The following SLC24A2 variants were observed in gnomAD, a reference collection of about 807,000 sequenced individuals.
The protein encoded by SLC24A2 is solute carrier family 24 member 2.
SLC24A2 carries 36 observed loss-of-function variants against 62.0 expected under a neutral mutation model. That is an observed-to-expected ratio of 0.58 (90% CI 0.44 to 0.77). The LOEUF is 0.77. Ranked by LOEUF, SLC24A2 falls within the 30% of genes least tolerant of loss-of-function variation. SLC24A2 has a pLI of 0.00. For synonymous variants in SLC24A2, 358 were observed against 294.0 expected (o/e 1.22, Z -2.23); for missense variants, 846 against 817.9 (o/e 1.03, Z -0.42).
At chr9:20,093,721 A>T in the SLC24A2 span, among the ~76,000 whole-genome samples, 1 of 152,208 alleles carries the variant, frequency 6.6e-6, no homozygotes, top group African/African-American at 2.4e-5. Flanking sequence ...GGTACAAAAA[A>T]AGTAGTTAGA....
intron 4 of SLC24A2, among the ~76,000 whole-genome samples, chr9:19,600,619 G>T (rs1836816978): frequency 6.6e-6 from 1 of 152,130 alleles, no homozygotes; most frequent in Non-Finnish European, 1.5e-5. Flanking sequence ...AAATGCCCAA[G>T]CAAGTCCCCA....
chr9:20,175,220 T>A, the SLC24A2 span, among the ~76,000 whole-genome samples: 1 of 151,776 alleles, frequency 6.6e-6, no homozygotes, highest in African/African-American at 2.4e-5. Flanking sequence ...ACAATGGATT[T>A]TGGGGACTCA....
At chr9:20,232,545 G>C in the SLC24A2 span, among the ~76,000 whole-genome samples, 1 of 152,182 alleles carries the variant, frequency 6.6e-6, no homozygotes, top group African/African-American at 2.4e-5. Context: ...AGTATTCTCT[G>C]ATGGTAGTTT....
At chr9:20,220,834 C>G in the SLC24A2 span, among the ~76,000 whole-genome samples, 1 of 152,152 alleles carries the variant, frequency 6.6e-6, no homozygotes, top group African/African-American at 2.4e-5. Context: ...CCCCAACCCT[C>G]ACCTACCTAA....
the SLC24A2 span, among the ~76,000 whole-genome samples, chr9:19,955,218 T>TG: frequency 6.6e-6 from 1 of 152,154 alleles, no homozygotes; most frequent in African/African-American, 2.4e-5. Context: ...TTATAAGTAA[T>TG]GGGGTCTTAG....
At chr9:20,115,309 C>G in the SLC24A2 span, among the ~76,000 whole-genome samples, 1 of 152,042 alleles carries the variant, frequency 6.6e-6, no homozygotes, top group South Asian at 2.1e-4. Context: ...TGAATCTTCC[C>G]TGGTTAATGG....
At chr9:20,113,259 C>T in the SLC24A2 span, among the ~76,000 whole-genome samples, 6 of 152,062 alleles carry the variant, frequency 3.9e-5, no homozygotes, top group East Asian at 3.9e-4. Context: ...ACTCTATGCC[C>T]GCACTCCCTG....
chr9:19,848,062 T>C, the SLC24A2 span, among the ~76,000 whole-genome samples: 3 of 152,236 alleles, frequency 2.0e-5, no homozygotes, highest in African/African-American at 7.2e-5. Flanking sequence ...TCTTGTATGA[T>C]ATCAGACTGT....
At chr9:19,598,764 A>G (rs1836770082) in intron 4 of SLC24A2, among the ~76,000 whole-genome samples, 1 of 152,174 alleles carries the variant, frequency 6.6e-6, no homozygotes, top group Non-Finnish European at 1.5e-5. Context: ...TAAATGACCT[A>G]AATACCTTCA....
chr9:19,690,827 A>C (rs1016373423), intron 2 of SLC24A2, among the ~76,000 whole-genome samples: 3 of 152,114 alleles, frequency 2.0e-5, no homozygotes, highest in Non-Finnish European at 4.4e-5. Context: ...ATGAATGTGC[A>C]CAGTACACAG....
chr9:20,222,135 T>C, the SLC24A2 span, among the ~76,000 whole-genome samples: 2 of 151,856 alleles, frequency 1.3e-5, no homozygotes, highest in Non-Finnish European at 2.9e-5. Flanking sequence ...AACGAAATAA[T>C]GGTAGAAAAT....
At chr9:19,813,171 C>G in the SLC24A2 span, among the ~76,000 whole-genome samples, 1 of 152,122 alleles carries the variant, frequency 6.6e-6, no homozygotes, top group African/African-American at 2.4e-5. Flanking sequence ...CAATCAAAAT[C>G]TCTACTGGTT....
chr9:19,769,359 G>A (rs1244528352), intron 2 of SLC24A2, among the ~76,000 whole-genome samples: 1 of 152,206 alleles, frequency 6.6e-6, no homozygotes, highest in African/African-American at 2.4e-5. Context: ...TTACCCACCT[G>A]ATTCATGGCA....
the SLC24A2 span, among the ~76,000 whole-genome samples, chr9:19,951,181 A>G: frequency 6.6e-6 from 1 of 151,792 alleles, no homozygotes; most frequent in African/African-American, 2.4e-5. Flanking sequence ...AAGTGTCCAA[A>G]TCTTCCACCA....
intron 4 of SLC24A2, among the ~76,000 whole-genome samples, chr9:19,615,106 CT>C (rs1024287182): frequency 6.6e-6 from 1 of 152,150 alleles, no homozygotes; most frequent in African/African-American, 2.4e-5. Flanking sequence ...CTAATGAAGG[CT>C]TTTGGCAAGG....
chr9:19,875,225 A>G, the SLC24A2 span, among the ~76,000 whole-genome samples: 1 of 152,196 alleles, frequency 6.6e-6, no homozygotes, highest in African/African-American at 2.4e-5. Flanking sequence ...CTGATGCTTC[A>G]ATCAACTCTT....
In SLC24A2 at chr9:19,508,400, AGTTTAGTACCCAT is replaced by A. The variant is rs1276467728; in HGVS notation, c.*7740_*7752del. 6 of 152,178 alleles carry A rather than the reference AGTTTAGTACCCAT, an allele frequency of 3.9e-5. No homozygotes were observed. The highest frequency in any genetic ancestry group is 8.8e-5 in the Non-Finnish European group (6 of 68,036). The allele number at this position is 152,178 out of a possible 1,614,324, so 9.4% of individuals were successfully genotyped here. A position where few individuals can be genotyped will look rare whatever the true frequency, so the allele number is the denominator to read the frequency against. On this transcript the variant is annotated 3_prime_UTR_variant, in exon 11 of 11. Transcript: ENST00000341998. ...AAGCATAAAATTGATGGGGTTGTCC[AGTTTAGTACCCAT>A]GTTTACTCTATATGGACAATTTAGG... is the stretch of plus-strand genomic sequence containing the variant.
At chr9:20,084,365 A>G in the SLC24A2 span, among the ~76,000 whole-genome samples, 1 of 152,184 alleles carries the variant, frequency 6.6e-6, no homozygotes, top group Non-Finnish European at 1.5e-5. Flanking sequence ...CAACGACCTG[A>G]TGTCAGCTTG....
chr9:20,028,996 G>C, the SLC24A2 span, among the ~76,000 whole-genome samples: 1 of 152,122 alleles, frequency 6.6e-6, no homozygotes, highest in Non-Finnish European at 1.5e-5. Context: ...TGGATTTATT[G>C]TGGAGGCTAC....
Sources: allele counts gnomAD v4.1 joint callset (sites outside exome capture counted in the v4.1 genomes callset), GRCh38; gene constraint gnomAD v4.1.1; transcripts MANE v1.5; gene names NCBI Gene and HGNC (gene_info 2026-07-23, HGNC 2026-07-21).